CRK: variants seen among roughly 807,000 people sequenced by gnomAD.
CRK encodes the protein adapter molecule crk.
CRK carries 4 observed loss-of-function variants against 29.8 expected under a neutral mutation model. The observed-to-expected ratio is 0.13, with a 90% CI of 0.07 to 0.31. The LOEUF is 0.31. CRK is among the 10% of genes least tolerant of loss of function. The probability of loss-of-function intolerance (pLI) is 1.00; values close to 1 mark genes in which losing one functional copy is unlikely to be tolerated. For missense variants in CRK, 274 were observed against 396.5 expected (o/e 0.69, Z 2.62); for synonymous variants, 153 against 164.9 (o/e 0.93, Z 0.55).
chr17:1,439,189 G>A (rs551785433), intron 1 of CRK, among the ~76,000 whole-genome samples: 7 of 151,822 alleles, frequency 4.6e-5, no homozygotes, highest in South Asian at 4.2e-4. Flanking sequence ...TTCGCCTCCC[G>A]GGTTCACGTC....
chr17:1,446,590 C>CTTTTTT lies in CRK; in HGVS notation c.241+9281_241+9286dup, dbSNP rs56660089. Among the ~76,000 whole-genome samples, 8 of 125,480 alleles carry CTTTTTT rather than the reference C, an allele frequency of 6.4e-5. 1 individual carries two copies. Among genetic ancestry groups the CTTTTTT allele is most frequent in the East Asian group, 4.5e-4 (2 of 4,488 alleles). 82.3% of individuals were successfully genotyped at this position (125,480 alleles called of 152,430 possible). A position where few individuals can be genotyped will look rare whatever the true frequency, so the allele number is the denominator to read the frequency against. On this transcript the variant is annotated intron_variant, in intron 1 of 2. Transcript: ENST00000300574. Reference sequence around the variant, plus strand: ...ATAGCGTGAACTGGGCTCACTATGACTTTTTTTTTTTTTTTTTTTGAGGCG... The same window carrying CTTTTTT: ...ATAGCGTGAACTGGGCTCACTATGACTTTTTTTTTTTTTTTTTTTTTTTTTGAGGCG...
Position 1,420,969 on chromosome 17 carries a change from A to G in CRK, c.*2544T>C, listed in dbSNP as rs533507506. 9 of 152,326 alleles carry G rather than the reference A, an allele frequency of 5.9e-5. No individual in the cohort carries two copies. The highest frequency in any genetic ancestry group is 2.6e-4 in the Admixed American group (4 of 15,276). 9.4% of individuals were successfully genotyped at this position (152,326 alleles called of 1,614,324 possible). A position where few individuals can be genotyped will look rare whatever the true frequency, so the allele number is the denominator to read the frequency against. On this transcript the variant is annotated 3_prime_UTR_variant, in exon 3 of 3. Transcript: ENST00000300574. ...AACAATAAACAATTCCAACAAATTA[A>G]TAAGAATTAACCATGTCAAATATTA...
chr17:1,433,612 G>A (rs1333108237), intron 2 of CRK, among the ~76,000 whole-genome samples: 5 of 133,294 alleles, frequency 3.8e-5, no homozygotes, highest in Admixed American at 8.9e-5. Context: ...TCTGCCTCCC[G>A]GGTTCAAGTG....
At chr17:1,431,594 C>T (rs1426259689) in intron 2 of CRK, among the ~76,000 whole-genome samples, 2 of 151,996 alleles carry the variant, frequency 1.3e-5, no homozygotes, top group Non-Finnish European at 2.9e-5. Flanking sequence ...ACTTGGTGTA[C>T]TAGTTTTTTT....
Position 1,423,460 on chromosome 17 carries a change from G to GAAAA in CRK, c.*49_*52dup. On this transcript the variant is annotated 3_prime_UTR_variant, in exon 3 of 3. Transcript: ENST00000300574. ...AAGAAAATTGTATAGATGGCAGTTG[G>GAAAA]AAAAAAAAAAAAAAGATTGTTCCCA... is the stretch of plus-strand genomic sequence containing the variant. 3 of 1,282,894 alleles carry GAAAA rather than the reference G, an allele frequency of 2.3e-6. No homozygotes were observed. The highest frequency in any genetic ancestry group is 2.5e-5 in the East Asian group (1 of 39,304). The allele number at this position is 1,282,894 out of a possible 1,614,324, so 79.5% of individuals were successfully genotyped here.
intron 1 of CRK, among the ~76,000 whole-genome samples, chr17:1,442,904 G>C (rs1194326978): frequency 6.6e-6 from 1 of 150,976 alleles, no homozygotes; most frequent in Admixed American, 6.6e-5. Context: ...ACTGTGCCTG[G>C]TATGTGACAG....
chr17:1,436,603 T>C lies in CRK; in HGVS notation c.777+17A>G. 4.4e-6 allele frequency: 7 copies of C among 1,577,868 alleles called. No homozygotes were observed. The South Asian group carries it at 4.7e-5, about 11-fold the overall frequency. Reference sequence around the variant, plus strand: ...CTGCAGCAGATCTCTTCTTTCTACATTGTGCACGTTATGTACCTCCAAAGC... The same window carrying C: ...CTGCAGCAGATCTCTTCTTTCTACACTGTGCACGTTATGTACCTCCAAAGC... On this transcript the variant is annotated intron_variant, in intron 2 of 2. Coordinates refer to ENST00000300574, the MANE Select transcript of CRK (RefSeq NM_016823.4).
chr17:1,446,090 G>GTT (rs766154666), intron 1 of CRK, among the ~76,000 whole-genome samples: 9 of 152,144 alleles, frequency 5.9e-5, no homozygotes, highest in Non-Finnish European at 1.3e-4. Context: ...GCCTAACTCT[G>GTT]AAGTGATGGA....
chr17:1,422,859 ACTTAT>A lies in CRK; in HGVS notation c.*649_*653del, dbSNP rs1284011715. 2.8e-5 allele frequency: 11 copies of A among 398,348 alleles called. No individual in the cohort carries two copies. Among genetic ancestry groups the A allele is most frequent in the Non-Finnish European group, 4.9e-5 (11 of 226,116 alleles). The allele number at this position is 398,348 out of a possible 1,614,324, so 24.7% of individuals were successfully genotyped here. On this transcript the variant is annotated 3_prime_UTR_variant, in exon 3 of 3. Coordinates refer to ENST00000300574, the MANE Select transcript of CRK (RefSeq NM_016823.4). ...CTTTTCACCTGGAATGAAAATACAC[ACTTAT>A]CTTAGGAATTCACCTACTTACAGGT...
chr17:1,440,716 C>T (rs532679931), intron 1 of CRK, among the ~76,000 whole-genome samples: 2 of 152,142 alleles, frequency 1.3e-5, no homozygotes, highest in South Asian at 4.1e-4. Flanking sequence ...AGCGAGACTT[C>T]GTCTCAAAAA....
At chr17:1,448,445 GA>G (rs901751547) in intron 1 of CRK, among the ~76,000 whole-genome samples, 7 of 151,686 alleles carry the variant, frequency 4.6e-5, no homozygotes, top group African/African-American at 1.7e-4. Flanking sequence ...TCAACATGGT[GA>G]AACCCATCTC....
chr17:1,423,742 T>C (rs1191438615), intron 2 of CRK, 92 bp from the exon 3 acceptor site: 8 of 1,517,602 alleles, frequency 5.3e-6, no homozygotes, highest in South Asian at 1.2e-5. Context: ...CCTGCCCATG[T>C]GACTGCTCTA....
intron 1 of CRK, among the ~76,000 whole-genome samples, chr17:1,437,658 GTT>G (rs34172718): frequency 7.0e-6 from 1 of 142,410 alleles, no homozygotes; most frequent in Non-Finnish European, 1.5e-5. Flanking sequence ...TCTGTTGCAT[GTT>G]TTTTTTTTTT....
chr17:1,443,168 T>C (rs1388716213), intron 1 of CRK, among the ~76,000 whole-genome samples: 1 of 149,230 alleles, frequency 6.7e-6, no homozygotes, highest in Non-Finnish European at 1.5e-5. Flanking sequence ...TTAGTAGAGA[T>C]GGGGGTTTCA....
chr17:1,451,757 T>C (rs1384041508), intron 1 of CRK, among the ~76,000 whole-genome samples: 1 of 150,624 alleles, frequency 6.6e-6, no homozygotes, highest in African/African-American at 2.4e-5. Context: ...GGTGGGCGGA[T>C]CACCTGAGGT....
intron 1 of CRK, among the ~76,000 whole-genome samples, chr17:1,438,719 T>G (rs2073909572): frequency 6.6e-6 from 1 of 152,116 alleles, no homozygotes; most frequent in African/African-American, 2.4e-5. Flanking sequence ...GACACGAGTG[T>G]GTATGGTGGC....
At chr17:1,431,194 A>G (rs2073842055) in intron 2 of CRK, among the ~76,000 whole-genome samples, 1 of 152,150 alleles carries the variant, frequency 6.6e-6, no homozygotes. Flanking sequence ...TTTAGAGACC[A>G]GGTCTTCCTG....
In CRK at chr17:1,428,903, T is replaced by C. The variant is rs1014463920; in HGVS notation, c.778-5253A>G. Among the ~76,000 whole-genome samples, 3 of 151,538 alleles carry C rather than the reference T, an allele frequency of 2.0e-5. 1 individual carries two copies. Among genetic ancestry groups the C allele is most frequent in the African/African-American group, 7.3e-5 (3 of 41,270 alleles). On this transcript the variant is annotated intron_variant, in intron 2 of 2. Coordinates refer to ENST00000300574, the MANE Select transcript of CRK (RefSeq NM_016823.4). ...TCTTGTCACCCAGGCTGGAGTCCAG[T>C]GGCGCAATCTCAGCTCACTGCAACC...
intron 2 of CRK, among the ~76,000 whole-genome samples, chr17:1,427,897 T>G (rs947645572): frequency 5.3e-5 from 8 of 151,894 alleles, no homozygotes; most frequent in African/African-American, 1.9e-4. Context: ...CTTCCCAAAG[T>G]GCTGGAATTA....
Sources: allele counts gnomAD v4.1 joint callset (sites outside exome capture counted in the v4.1 genomes callset), GRCh38; gene constraint gnomAD v4.1.1; transcripts MANE v1.5; gene names NCBI Gene and HGNC (gene_info 2026-07-23, HGNC 2026-07-21).